Variants in SPOCK3 observed in about 807,000 individuals in gnomAD.
SPOCK3 encodes the protein SPARC (osteonectin), cwcv and kazal like domains proteoglycan 3.
In SPOCK3, 30 loss-of-function variants were observed where a neutral mutation model predicts 56.6. That is an observed-to-expected ratio of 0.53 (90% CI 0.40 to 0.72). The LOEUF is 0.72. SPOCK3 is among the 30% of genes least tolerant of loss of function. SPOCK3 has a pLI of 0.00. For synonymous variants in SPOCK3, 196 were observed against 183.3 expected (o/e 1.07, Z -0.56); for missense variants, 527 against 530.0 (o/e 0.99, Z 0.06).
At chr4:167,053,254 T>C (rs1249621826) in intron 3 of SPOCK3, among the ~76,000 whole-genome samples, 1 of 151,944 alleles carries the variant, frequency 6.6e-6, no homozygotes, top group Non-Finnish European at 1.5e-5. Flanking sequence ...CCCCAGACCC[T>C]CTAATTCTTG....
chr4:166,883,338 G>A (rs575143694), intron 6 of SPOCK3: 1 of 152,094 alleles, frequency 6.6e-6, no homozygotes, highest in African/African-American at 2.4e-5. Flanking sequence ...TTGTCATACT[G>A]TAAATAAAAA....
rs546009593 is a variant in SPOCK3, at chr4:167,021,432, A to C, written c.236-20969T>G. Among the ~76,000 whole-genome samples the C allele has an allele frequency of 7.2e-5, 11 of 152,146 alleles. 1 individual carries two copies. Among genetic ancestry groups the C allele is most frequent in the African/African-American group, 2.6e-4 (11 of 41,544 alleles). On this transcript the variant is annotated intron_variant, in intron 3 of 10. Coordinates refer to ENST00000357545, the MANE Select transcript of SPOCK3 (RefSeq NM_001040159.2). ...GCCCACCCATCAGTCCTCTCACTGG[A>C]GATATATAAACAGTGATGTGTGACT...
intron 2 of SPOCK3, among the ~76,000 whole-genome samples, chr4:167,134,898 C>T (rs1053669738): frequency 6.6e-6 from 1 of 151,898 alleles, no homozygotes; most frequent in African/African-American, 2.4e-5. Context: ...GTCAATAAGA[C>T]TGTTTTCTTA....
At chr4:166,817,029 G>A (rs1280630687) in intron 6 of SPOCK3, among the ~76,000 whole-genome samples, 1 of 152,068 alleles carries the variant, frequency 6.6e-6, no homozygotes, top group African/African-American at 2.4e-5. Context: ...ATCGTTTTAT[G>A]AATATTGGCA....
intron 6 of SPOCK3, among the ~76,000 whole-genome samples, chr4:166,863,511 G>A (rs1731457151): frequency 6.6e-6 from 1 of 151,952 alleles, no homozygotes; most frequent in Non-Finnish European, 1.5e-5. Context: ...AAAGAGTCAA[G>A]ACCCATCAGT....
At chr4:167,101,724 T>C (rs1270467846) in intron 2 of SPOCK3, among the ~76,000 whole-genome samples, 1 of 149,416 alleles carries the variant, frequency 6.7e-6, no homozygotes, top group Non-Finnish European at 1.5e-5. Context: ...TTTTTTTTTT[T>C]TTTTTTTTTG....
chr4:167,176,976 TTGA>T, intron 2 of SPOCK3, among the ~76,000 whole-genome samples: 1 of 152,276 alleles, frequency 6.6e-6, no homozygotes, highest in East Asian at 1.9e-4. Context: ...AGCAAATCAG[TTGA>T]TGAAGATGAC....
intron 4 of SPOCK3, among the ~76,000 whole-genome samples, chr4:166,987,377 C>G (rs1234393617): frequency 6.6e-6 from 1 of 152,190 alleles, no homozygotes; most frequent in Non-Finnish European, 1.5e-5. Context: ...GCTCTGCCAC[C>G]TTGCCTCTTC....
At chr4:166,809,928 AC>A (rs545705968) in intron 6 of SPOCK3, among the ~76,000 whole-genome samples, 28 of 152,104 alleles carry the variant, frequency 1.8e-4, no homozygotes, top group Non-Finnish European at 4.1e-4. Context: ...ATTTCTTCGT[AC>A]CATGAAATTA....
At chr4:167,184,933 C>T (rs1009706351) in intron 2 of SPOCK3, among the ~76,000 whole-genome samples, 5 of 152,138 alleles carry the variant, frequency 3.3e-5, no homozygotes, top group African/African-American at 9.7e-5. Context: ...ACAGAGATGT[C>T]TGATATTCAA....
chr4:167,063,140 C>T (rs1755774681), intron 2 of SPOCK3, among the ~76,000 whole-genome samples: 1 of 151,782 alleles, frequency 6.6e-6, no homozygotes, highest in African/African-American at 2.4e-5. Flanking sequence ...TAATTAAGTC[C>T]TGCCTAAAGT....
intron 6 of SPOCK3, among the ~76,000 whole-genome samples, chr4:166,885,957 C>A (rs1734152641): frequency 6.6e-6 from 1 of 151,998 alleles, no homozygotes; most frequent in African/African-American, 2.4e-5. Context: ...GCTTATGTAC[C>A]ATTGTTGTGT....
chr4:166,983,325 A>T (rs1267996596), intron 4 of SPOCK3, among the ~76,000 whole-genome samples: 1 of 152,064 alleles, frequency 6.6e-6, no homozygotes, highest in African/African-American at 2.4e-5. Context: ...AATGAATATT[A>T]TCTTCACTCC....
At chr4:166,930,185 A>G (rs1365840601) in intron 4 of SPOCK3, among the ~76,000 whole-genome samples, 1 of 151,896 alleles carries the variant, frequency 6.6e-6, no homozygotes, top group Admixed American at 6.6e-5. Flanking sequence ...TAATCTTTGT[A>G]AAAAAAAGGA....
chr4:166,824,598 G>A (rs1745268791), intron 6 of SPOCK3, among the ~76,000 whole-genome samples: 1 of 152,036 alleles, frequency 6.6e-6, no homozygotes, highest in South Asian at 2.1e-4. Flanking sequence ...AAGACATGAG[G>A]AAGAATCAGC....
At chr4:166,790,922 C>T (rs1741275848) in intron 7 of SPOCK3, among the ~76,000 whole-genome samples, 1 of 152,172 alleles carries the variant, frequency 6.6e-6, no homozygotes, top group African/African-American at 2.4e-5. Flanking sequence ...CTCCAGACAT[C>T]TTTTCTTCAT....
intron 2 of SPOCK3, among the ~76,000 whole-genome samples, chr4:167,230,674 T>C (rs1737087867): frequency 6.6e-6 from 1 of 152,198 alleles, no homozygotes; most frequent in African/African-American, 2.4e-5. Flanking sequence ...TTCTGTATCT[T>C]TAGATTAAGT....
At chr4:166,998,982 G>T (rs1561101921) in intron 4 of SPOCK3, among the ~76,000 whole-genome samples, 1 of 151,968 alleles carries the variant, frequency 6.6e-6, no homozygotes, top group Non-Finnish European at 1.5e-5. Flanking sequence ...TGAGTTTCTG[G>T]CCCAAAGCTT....
At chr4:166,774,763 C>A (rs1205755117) in intron 7 of SPOCK3, among the ~76,000 whole-genome samples, 1 of 152,036 alleles carries the variant, frequency 6.6e-6, no homozygotes, top group Non-Finnish European at 1.5e-5. Flanking sequence ...TGTTGAAATC[C>A]CTCTCACAAT....
Sources: gnomAD v4.1 joint callset for allele counts (sites outside exome capture counted in the v4.1 genomes callset) on GRCh38, gnomAD v4.1.1 for gene constraint, MANE v1.5 for transcripts, NCBI Gene and HGNC (gene_info 2026-07-23, HGNC 2026-07-21) for gene names.